Variants in COL18A1 observed in about 807,000 individuals in gnomAD.
The protein encoded by COL18A1 is collagen alpha-1(XVIII) chain.
COL18A1 carries 133 observed loss-of-function variants against 168.0 expected under a neutral mutation model. The ratio of observed to expected loss-of-function variants is 0.79; its 90% confidence interval spans 0.69 to 0.91. The LOEUF (loss-of-function observed/expected upper bound fraction) is 0.91. Among genes scored for constraint, COL18A1 ranks in the 40% least tolerant of loss-of-function variants. The pLI, the probability that COL18A1 is intolerant of heterozygous loss-of-function variation, is 0.00. For missense variants in COL18A1, 2,126 were observed against 1,925.4 expected (o/e 1.10, Z -1.95); for synonymous variants, 949 against 809.0 (o/e 1.17, Z -2.94).
rs1378411989 is a variant in COL18A1 at position 45,455,707 on chromosome 21, T to C, written c.107-12535T>C. ...CCCTGCCTGTGCAGCCCACAGCAGA[T>C]ACCACCACACACGTGACCCCCCGGA... On this transcript the variant is annotated intron_variant, in intron 2 of 41. Transcript: ENST00000651438. 3 of 1,613,780 alleles carry C rather than the reference T, an allele frequency of 1.9e-6. No homozygotes were observed. Among genetic ancestry groups the C allele is most frequent in the African/African-American group, 1.3e-5 (1 of 74,898 alleles).
chr21:45,448,476 C>T (rs1476684251), intron 2 of COL18A1, among the ~76,000 whole-genome samples: 3 of 152,260 alleles, frequency 2.0e-5, no homozygotes, highest in Non-Finnish European at 4.4e-5. Flanking sequence ...GCAGTCCACA[C>T]ACACAGATAT....
chr21:45,509,892 C>T (rs560036978), intron 39 of COL18A1, among the ~76,000 whole-genome samples, 172 bp from the exon 40 acceptor site: 1 of 152,300 alleles, frequency 6.6e-6, no homozygotes, highest in African/African-American at 2.4e-5. Context: ...TCTGACCTGG[C>T]AGCGTATGGG....
At position 45,478,384 on chromosome 21, in the gene COL18A1, T is replaced by C. The variant is rs190097251; in HGVS notation, c.1248+31T>C. ...TCTGCTTTTCTTTCTGACCCCTGTG[T>C]TATCTGTGATGTTTGCTTAGACCCC... On this transcript the variant is annotated intron_variant, in intron 9 of 41. Transcript: ENST00000651438. 291 of 1,614,174 alleles carry C rather than the reference T, an allele frequency of 1.8e-4. No homozygotes were observed. The African/African-American group carries it at 3.5e-3, about 19-fold the overall frequency.
chr21:45,446,115 G>C (rs937614245), intron 2 of COL18A1, among the ~76,000 whole-genome samples: 1 of 152,236 alleles, frequency 6.6e-6, no homozygotes, highest in Non-Finnish European at 1.5e-5. Flanking sequence ...CATGTGGTGT[G>C]AAGTAGGGAT....
At chr21:45,437,009 G>T (rs553421010) in intron 2 of COL18A1, among the ~76,000 whole-genome samples, 1 of 152,076 alleles carries the variant, frequency 6.6e-6, no homozygotes, top group Non-Finnish European at 1.5e-5. Context: ...GTCTGCATCC[G>T]TTCCTGTACA....
At chr21:45,414,532 A>G (rs2033387031) in intron 2 of COL18A1, among the ~76,000 whole-genome samples, 1 of 152,116 alleles carries the variant, frequency 6.6e-6, no homozygotes, top group Non-Finnish European at 1.5e-5. Context: ...TGGCATTTTA[A>G]CAGACCTGGG....
chr21:45,449,661 C>T (rs888767989), intron 2 of COL18A1, among the ~76,000 whole-genome samples: 3 of 152,162 alleles, frequency 2.0e-5, no homozygotes, highest in East Asian at 1.9e-4. Context: ...CCTCTGCTAC[C>T]GTAGGTCTTC....
At chr21:45,511,472 T>C (rs947873200) in intron 41 of COL18A1, among the ~76,000 whole-genome samples, 2 of 152,094 alleles carry the variant, frequency 1.3e-5, no homozygotes, top group Non-Finnish European at 2.9e-5. Flanking sequence ...GGCCCTCTGC[T>C]CATGGCGGAT....
Position 45,425,890 on chromosome 21 carries a change from T to A in COL18A1, c.106+20417T>A, listed in dbSNP as rs2033783272. Among the ~76,000 whole-genome samples, 1 of 152,158 alleles carries A rather than the reference T, an allele frequency of 6.6e-6. No homozygotes were observed. ...AAACTTCATTCTGACTTCGGCCGGCTGTCCTTCTTGCCCAAAGCACCGTGA... is the reference window on the plus strand; with the variant it reads ...AAACTTCATTCTGACTTCGGCCGGCAGTCCTTCTTGCCCAAAGCACCGTGA... On this transcript the variant is annotated intron_variant, in intron 2 of 41. Coordinates refer to ENST00000651438, the MANE Select transcript of COL18A1 (RefSeq NM_001379500.1). This position sits in a 1 kb window ranked among gnomAD's most constrained non-coding sequence, Gnocchi z 4.1.
At chr21:45,420,428 C>T (rs1012878799) in intron 2 of COL18A1, 1 of 152,208 alleles carries the variant, frequency 6.6e-6, no homozygotes, top group Non-Finnish European at 1.5e-5. Context: ...CAGAAAGCGC[C>T]TTTGTGGGCG....
chr21:45,476,498 T>A lies in COL18A1; in HGVS notation c.928+18T>A, dbSNP rs370249979. 21 of 1,581,766 alleles carry A rather than the reference T, an allele frequency of 1.3e-5. No homozygotes were observed. In the African/African-American group the frequency reaches 2.4e-4, roughly 18 times the overall value. On this transcript the variant is annotated intron_variant, in intron 6 of 41. Coordinates refer to ENST00000651438, the MANE Select transcript of COL18A1 (RefSeq NM_001379500.1). ...GTTAGGAGGTAAGCTCTTTTCTGGA[T>A]GTGGTGTGTGTGTGGTGTGGGGTGT...
intron 2 of COL18A1, among the ~76,000 whole-genome samples, chr21:45,428,875 C>T (rs533769179): frequency 6.6e-6 from 1 of 151,668 alleles, no homozygotes; most frequent in African/African-American, 2.4e-5. Context: ...TCTCTGCACT[C>T]GAGACTATAG....
At chr21:45,447,791 C>A (rs1354395082) in intron 2 of COL18A1, among the ~76,000 whole-genome samples, 1 of 152,102 alleles carries the variant, frequency 6.6e-6, no homozygotes, top group Non-Finnish European at 1.5e-5. Flanking sequence ...TCCCTTAGAG[C>A]CTATAGAGCA....
intron 2 of COL18A1, 26 bp from the exon 3 acceptor site, chr21:45,468,216 C>T: frequency 1.2e-6 from 2 of 1,612,510 alleles, no homozygotes; most frequent in East Asian, 2.2e-5. Flanking sequence ...GCACAGCCAC[C>T]TCACCAGCTG....
chr21:45,468,284 A>AC lies in COL18A1; in HGVS notation c.155dup (p.Pro53AlafsTer9), dbSNP rs1568892495. On this transcript the variant is annotated frameshift_variant, in exon 3 of 42. Coordinates refer to ENST00000651438, the MANE Select transcript of COL18A1 (RefSeq NM_001379500.1). LOFTEE classifies it high-confidence loss of function. ...GTGGGGCTGCTGCAGCTCCTTGGGG[A>AC]CCCCCCGCCCCAGCAGGTCACCCAG... is the stretch of plus-strand genomic sequence containing the variant. 2 of 1,612,626 alleles carry AC rather than the reference A, an allele frequency of 1.2e-6. No homozygotes were observed. Among genetic ancestry groups the AC allele is most frequent in the Non-Finnish European group, 1.7e-6 (2 of 1,179,924 alleles).
At chr21:45,429,407 AG>A (rs146280297) in intron 2 of COL18A1, among the ~76,000 whole-genome samples, 10,655 of 152,218 alleles carry the variant, frequency 0.07, 561 homozygotes, top group East Asian at 0.22. Flanking sequence ...CCTGTGAGGA[AG>A]GGGCAGTGCC....
intron 15 of COL18A1, among the ~76,000 whole-genome samples, chr21:45,485,679 C>T (rs1039347778): frequency 2.6e-5 from 4 of 152,070 alleles, no homozygotes; most frequent in African/African-American, 9.7e-5. Context: ...CAGTGGAGAC[C>T]CAGACCTAGA....
intron 2 of COL18A1, among the ~76,000 whole-genome samples, chr21:45,459,332 CG>C (rs760520088): frequency 2.8e-5 from 4 of 144,024 alleles, no homozygotes; most frequent in African/African-American, 5.9e-5. Context: ...GGGCAGACTT[CG>C]AGGCCCCGAA....
At chr21:45,406,904 G>A (rs2033129192) in intron 2 of COL18A1, among the ~76,000 whole-genome samples, 2 of 152,274 alleles carry the variant, frequency 1.3e-5, no homozygotes, top group Admixed American at 6.5e-5. Flanking sequence ...GGCCTCAGCA[G>A]GGAAAGTTAC....
Sources: gnomAD v4.1 joint callset for allele counts (sites outside exome capture counted in the v4.1 genomes callset) on GRCh38, gnomAD v4.1.1 for gene constraint, Gnocchi (gnomAD v3.1) non-coding constraint, MANE v1.5 for transcripts, NCBI Gene and HGNC (gene_info 2026-07-23, HGNC 2026-07-21) for gene names.